The following SDR42E2 variants were observed in gnomAD, a reference collection of about 807,000 sequenced individuals.
SDR42E2 encodes the protein short chain dehydrogenase/reductase family 42E, member 2, also known as putative short-chain dehydrogenase/reductase family 42E member 2.
In SDR42E2, 20 loss-of-function variants were observed where a neutral mutation model predicts 10.5. The ratio of observed to expected loss-of-function variants is 1.90; its 90% CI spans 1.34 to 2.77. SDR42E2 has a LOEUF of 2.77. Ranked by LOEUF, SDR42E2 falls within the 30% of genes most tolerant of loss-of-function variation. The pLI, the probability that SDR42E2 is intolerant of heterozygous loss-of-function variation, is 0.00. For missense variants in SDR42E2, 162 were observed against 104.2 expected (o/e 1.55, Z -2.42); for synonymous variants, 72 against 39.2 (o/e 1.84, Z -3.12).
In SDR42E2 at chr16:22,176,084, CA is replaced by C. The variant is rs550888146; in HGVS notation, c.590-2044del. Among the ~76,000 whole-genome samples, 34 of 151,762 alleles carry C rather than the reference CA, an allele frequency of 2.2e-4. No individual in the cohort carries two copies. In the East Asian group the frequency reaches 6.4e-3, roughly 29 times the overall value. ...AGCACTATATAGTGACTATAATTAACAACTATTTATTGTGTATTTTCAAATA... is the reference window on the plus strand; with the variant it reads ...AGCACTATATAGTGACTATAATTAACACTATTTATTGTGTATTTTCAAATA... On this transcript the variant is annotated intron_variant, in intron 7 of 12. Transcript: ENST00000602312.
At position 22,167,069 on chromosome 16, in the gene SDR42E2, C is replaced by G; in HGVS notation, c.336+70C>G. Reference sequence around the variant, plus strand: ...TCCAGTCCTGGCTCTGCCCTCACACCCATGCATTCCCTATCATGCTTCACC... The same window carrying G: ...TCCAGTCCTGGCTCTGCCCTCACACGCATGCATTCCCTATCATGCTTCACC... On this transcript the variant is annotated intron_variant, in intron 4 of 12. Coordinates refer to ENST00000602312, the MANE Select transcript of SDR42E2 (RefSeq NM_001394319.2). 3 of 655,876 alleles carry G rather than the reference C, an allele frequency of 4.6e-6. No homozygotes were observed. The South Asian group carries it at 5.0e-5, about 11-fold the overall frequency. 40.6% of individuals were successfully genotyped at this position (655,876 alleles called of 1,614,324 possible).
rs539205143 is a variant in SDR42E2 at position 22,165,037 on chromosome 16, C to A, written c.-36-510C>A. On this transcript the variant is annotated intron_variant, in intron 1 of 12. Coordinates refer to ENST00000602312, the MANE Select transcript of SDR42E2 (RefSeq NM_001394319.2). ...AAAATCCAAGTCTTGGCTGCCTTGTCTCTGACTCTGTGCAGAGGACAGCAG... is the reference window on the plus strand; with the variant it reads ...AAAATCCAAGTCTTGGCTGCCTTGTATCTGACTCTGTGCAGAGGACAGCAG... Among the ~76,000 whole-genome samples the A allele has an allele frequency of 2.0e-5, 3 of 152,316 alleles. No homozygotes were observed. In the South Asian group the frequency reaches 6.2e-4, roughly 32 times the overall value.
At chr16:22,167,662 C>T (rs1487069926) in intron 4 of SDR42E2, among the ~76,000 whole-genome samples, 1 of 152,192 alleles carries the variant, frequency 6.6e-6, no homozygotes, top group Non-Finnish European at 1.5e-5. Context: ...AAATTACACT[C>T]ATTTGTGTAT....
chr16:22,182,174 G>A (rs1281101462), intron 9 of SDR42E2, 38 bp from the exon 10 acceptor site: 4 of 407,036 alleles, frequency 9.8e-6, no homozygotes, highest in African/African-American at 6.1e-5. Flanking sequence ...GGCTGCTGGG[G>A]AGAAGGCTGA....
At chr16:22,176,050 G>T (rs2046642256) in intron 7 of SDR42E2, among the ~76,000 whole-genome samples, 1 of 151,656 alleles carries the variant, frequency 6.6e-6, no homozygotes, top group Non-Finnish European at 1.5e-5. Context: ...AATAGTTATA[G>T]TGTTCTATAG....
rs904516227 is a variant in SDR42E2, at chr16:22,190,546, TC to T, written c.*155del. ...TCCTGGTCACGCCCCCGAGCCGCTC[TC>T]CAGACCTAGCCCGGACCGCCGACTT... On this transcript the variant is annotated 3_prime_UTR_variant, in exon 13 of 13. Coordinates refer to ENST00000602312, the MANE Select transcript of SDR42E2 (RefSeq NM_001394319.2). 1 of 398,924 alleles carries T rather than the reference TC, an allele frequency of 2.5e-6. No individual in the cohort carries two copies. Among genetic ancestry groups the T allele is most frequent in the African/African-American group, 2.1e-5 (1 of 48,172 alleles). 24.7% of individuals were successfully genotyped at this position (398,924 alleles called of 1,614,324 possible).
At chr16:22,167,782 A>G (rs760685531) in intron 4 of SDR42E2, among the ~76,000 whole-genome samples, 3 of 152,212 alleles carry the variant, frequency 2.0e-5, no homozygotes, top group Non-Finnish European at 2.9e-5. Flanking sequence ...CAAAAGAAAG[A>G]GGTAACTCAA....
intron 7 of SDR42E2, among the ~76,000 whole-genome samples, chr16:22,172,937 T>C (rs1356852563): frequency 3.3e-5 from 5 of 152,080 alleles, no homozygotes; most frequent in African/African-American, 1.2e-4. Context: ...TGTGCCACCA[T>C]TCCAGGCTTA....
chr16:22,182,334 TCTTC>T (rs2046702449), intron 10 of SDR42E2, 57 bp downstream of exon 10: 1 of 399,520 alleles, frequency 2.5e-6, no homozygotes, highest in African/African-American at 2.1e-5. Context: ...CCTGACCTTC[TCTTC>T]CTTTTTATTT....
chr16:22,172,958 T>A (rs1205713154), intron 7 of SDR42E2, among the ~76,000 whole-genome samples: 1 of 152,174 alleles, frequency 6.6e-6, no homozygotes, highest in Non-Finnish European at 1.5e-5. Context: ...TTTTAAATTT[T>A]TTTGTAGAGA....
chr16:22,170,179 A>G (rs933029225), intron 5 of SDR42E2, among the ~76,000 whole-genome samples: 8 of 151,008 alleles, frequency 5.3e-5, no homozygotes, highest in Non-Finnish European at 1.5e-5. Flanking sequence ...ACACGAAGAG[A>G]TCCCATCTCT....
chr16:22,169,894 T>C (rs543505675), intron 5 of SDR42E2, among the ~76,000 whole-genome samples: 2 of 151,958 alleles, frequency 1.3e-5, no homozygotes, highest in East Asian at 3.9e-4. Flanking sequence ...TAGCCAGGCG[T>C]GGTGGCGGGT....
At chr16:22,178,950 G>T (rs1026373376) in intron 8 of SDR42E2, among the ~76,000 whole-genome samples, 20 of 152,004 alleles carry the variant, frequency 1.3e-4, no homozygotes, top group African/African-American at 4.3e-4. Context: ...TTATTGGCGG[G>T]GAGAAGTTCC....
At chr16:22,168,467 T>C (rs2046565398) in intron 4 of SDR42E2, among the ~76,000 whole-genome samples, 1 of 151,748 alleles carries the variant, frequency 6.6e-6, no homozygotes, top group Non-Finnish European at 1.5e-5. Context: ...GGTTTTGCCA[T>C]GTTGCTCAAG....
chr16:22,173,887 GTA>G (rs1457197971), intron 7 of SDR42E2, among the ~76,000 whole-genome samples: 2 of 109,254 alleles, frequency 1.8e-5, no homozygotes, highest in African/African-American at 3.9e-5. Context: ...TATGGGCTAC[GTA>G]TATATATGTG....
chr16:22,171,874 T>C (rs1228307536), intron 6 of SDR42E2, among the ~76,000 whole-genome samples: 1 of 152,120 alleles, frequency 6.6e-6, no homozygotes, highest in Non-Finnish European at 1.5e-5. Context: ...ACTATCACCA[T>C]GGGGTTGTGC....
intron 11 of SDR42E2, among the ~76,000 whole-genome samples, chr16:22,185,611 T>A (rs1263885703): frequency 2.6e-5 from 4 of 152,078 alleles, no homozygotes; most frequent in African/African-American, 7.2e-5. Context: ...AGCATCAGTA[T>A]TTTTTATTTT....
chr16:22,166,954 C>G lies in SDR42E2; in HGVS notation c.291C>G (p.Asp97Glu), dbSNP rs760473121. Residue 97 changes from aspartate to glutamate, a missense_variant, in exon 4 of 13, where the codon GAC becomes GAG. Coordinates refer to ENST00000602312, the MANE Select transcript of SDR42E2 (RefSeq NM_001394319.2). ...TGTACCGTGCCTTCGAAGGGGTGGACTGTGTCTTCCACGTGGCTTCCTATG... is the reference window on the plus strand; with the variant it reads ...TGTACCGTGCCTTCGAAGGGGTGGAGTGTGTCTTCCACGTGGCTTCCTATG... ...EALYRAFEGV[D>E]CVFHVASYGM... 2.8e-6 allele frequency: 2 copies of G among 702,162 alleles called. No individual in the cohort carries two copies. The highest frequency in any genetic ancestry group is 1.5e-5 in the South Asian group (1 of 67,532). The allele number at this position is 702,162 out of a possible 1,614,324, so 43.5% of individuals were successfully genotyped here. A position where few individuals can be genotyped will look rare whatever the true frequency, so the allele number is the denominator to read the frequency against.
chr16:22,168,604 G>T (rs2046566446), intron 4 of SDR42E2, among the ~76,000 whole-genome samples: 2 of 152,038 alleles, frequency 1.3e-5, no homozygotes, highest in South Asian at 4.1e-4. Context: ...TGGAAGCAGT[G>T]GCTCATGCCT....
Sources: allele counts gnomAD v4.1 joint callset (sites outside exome capture counted in the v4.1 genomes callset), GRCh38; gene constraint gnomAD v4.1.1; transcripts MANE v1.5; gene names NCBI Gene and HGNC (gene_info 2026-07-23, HGNC 2026-07-21).